ACSS3: variants seen among roughly 807,000 people sequenced by gnomAD.
ACSS3 encodes acyl-CoA synthetase short chain family member 3.
A neutral mutation model predicts 84.2 loss-of-function variants in ACSS3; 64 were observed. That is an observed-to-expected ratio of 0.76 (90% CI 0.62 to 0.94). The LOEUF is 0.94. ACSS3 is among the 40% of genes least tolerant of loss of function. ACSS3 has a pLI of 0.00. For missense variants in ACSS3, 815 were observed against 867.6 expected, an observed-to-expected ratio of 0.94 and a Z score of 0.76; for synonymous variants, 317 against 310.1, an observed-to-expected ratio of 1.02 and a Z score of -0.23.
chr12:81,097,119 C>T (rs1331587399), intron 1 of ACSS3, among the ~76,000 whole-genome samples: 1 of 152,140 alleles, frequency 6.6e-6, no homozygotes, highest in African/African-American at 2.4e-5. Context: ...TAGTTAGACA[C>T]ATGTGGCTAG....
rs537937379 is a variant in ACSS3 at position 81,257,766 on chromosome 12, C to T, written c.*2844C>T. 1.3e-5 allele frequency: 2 copies of T among 151,904 alleles called. No homozygotes were observed. Among genetic ancestry groups the T allele is most frequent in the Non-Finnish European group, 2.9e-5 (2 of 67,968 alleles). 9.4% of individuals were successfully genotyped at this position (151,904 alleles called of 1,614,324 possible). On this transcript the variant is annotated 3_prime_UTR_variant, in exon 16 of 16. Transcript: ENST00000548058. ...AAAAGTAACGTGTTGAGACTCTGAG[C>T]TTAATCCATTAAATGGATTTTAGAA...
chr12:81,139,637 T>TAC (rs57904646), intron 4 of ACSS3, among the ~76,000 whole-genome samples: 1 of 145,892 alleles, frequency 6.9e-6, no homozygotes, highest in South Asian at 2.1e-4. Flanking sequence ...ATAATAATAA[T>TAC]TATTGTTATT....
At chr12:81,171,041 A>G (rs1161487483) in intron 7 of ACSS3, among the ~76,000 whole-genome samples, 1 of 152,154 alleles carries the variant, frequency 6.6e-6, no homozygotes, top group African/African-American at 2.4e-5. Context: ...TTATTACTGC[A>G]TTCTTTCTGT....
chr12:81,255,387 A>T lies in ACSS3; in HGVS notation c.*465A>T, dbSNP rs2034266695. On this transcript the variant is annotated 3_prime_UTR_variant, in exon 16 of 16. Transcript: ENST00000548058. ...TTAGATGCTCACATTGTTTTAAATA[A>T]AATAGATGAAATGGGAAGTTTAGGT... The T allele has an allele frequency of 6.6e-6, 1 of 152,506 alleles. No homozygotes were observed. Among genetic ancestry groups the T allele is most frequent in the Non-Finnish European group, 1.5e-5 (1 of 68,280 alleles). The allele number at this position is 152,506 out of a possible 1,614,324, so 9.4% of individuals were successfully genotyped here.
chr12:81,242,524 C>T (rs1241711910), intron 13 of ACSS3, among the ~76,000 whole-genome samples: 7 of 150,758 alleles, frequency 4.6e-5, no homozygotes, highest in Non-Finnish European at 1.0e-4. Context: ...CAGCATCATC[C>T]TGATACCAAA....
intron 11 of ACSS3, among the ~76,000 whole-genome samples, chr12:81,228,046 G>A (rs1161087745): frequency 6.6e-6 from 1 of 151,664 alleles, no homozygotes; most frequent in Non-Finnish European, 1.5e-5. Flanking sequence ...GTGAAGAGCT[G>A]AGATTTTCTA....
Position 81,145,138 on chromosome 12 carries a change from A to G in ACSS3, c.921+1891A>G, listed in dbSNP as rs572091664. Reference sequence around the variant, plus strand: ...TCACTGTGTTAGCCAGGATGGTCCTAATCTCCTGACCTCGTGATCCACCCG... The same window carrying G: ...TCACTGTGTTAGCCAGGATGGTCCTGATCTCCTGACCTCGTGATCCACCCG... On this transcript the variant is annotated intron_variant, in intron 5 of 15. Transcript: ENST00000548058. 2.0e-3 allele frequency among the ~76,000 whole-genome samples: 276 copies of G among 136,970 alleles called. 1 individual carries two copies. Among genetic ancestry groups the G allele is most frequent in the Non-Finnish European group, 3.6e-3 (237 of 65,640 alleles). The allele number at this position is 136,970 out of a possible 152,430, so 89.9% of individuals were successfully genotyped here.
chr12:81,189,074 C>G (rs977094320), intron 8 of ACSS3, among the ~76,000 whole-genome samples: 52 of 152,074 alleles, frequency 3.4e-4, no homozygotes, highest in Admixed American at 3.4e-3. Context: ...ACTACCCTCT[C>G]CCCCTCCAAC....
intron 2 of ACSS3, among the ~76,000 whole-genome samples, chr12:81,128,525 A>C (rs1885266023): frequency 6.6e-6 from 1 of 152,182 alleles, no homozygotes; most frequent in Non-Finnish European, 1.5e-5. Flanking sequence ...TGTCAGACTG[A>C]AAATCAATTT....
chr12:81,141,880 A>G (rs1204954829), intron 4 of ACSS3, among the ~76,000 whole-genome samples: 2 of 152,214 alleles, frequency 1.3e-5, no homozygotes, highest in Admixed American at 6.5e-5. Context: ...GGCTGGAGAA[A>G]GCAGTTTGGC....
At chr12:81,243,716 A>G (rs2033889083) in intron 13 of ACSS3, among the ~76,000 whole-genome samples, 1 of 152,098 alleles carries the variant, frequency 6.6e-6, no homozygotes, top group Admixed American at 6.5e-5. Flanking sequence ...CATATCTACA[A>G]CTATCTGATC....
intron 8 of ACSS3, among the ~76,000 whole-genome samples, chr12:81,179,970 CAT>C (rs1448178463): frequency 3.3e-5 from 5 of 152,228 alleles, no homozygotes; most frequent in South Asian, 2.1e-4. Context: ...TTGGCAAAGA[CAT>C]GTGATCAAGC....
intron 2 of ACSS3, among the ~76,000 whole-genome samples, chr12:81,129,650 A>T (rs1425059158): frequency 6.6e-6 from 1 of 152,112 alleles, no homozygotes; most frequent in African/African-American, 2.4e-5. Context: ...TTATACTTTA[A>T]GTTCTAGGGT....
intron 14 of ACSS3, 23 bp downstream of exon 14, chr12:81,253,429 A>G: frequency 6.2e-7 from 1 of 1,613,504 alleles, no homozygotes; most frequent in Non-Finnish European, 8.5e-7. Flanking sequence ...TTTCTCCCTG[A>G]TTGCTTGGGA....
At chr12:81,253,799 TTTTTAA>T in intron 15 of ACSS3, 129 bp downstream of exon 15, 1 of 909,488 alleles carries the variant, frequency 1.1e-6, no homozygotes, top group Admixed American at 2.8e-5. Context: ...ATAGTACTAT[TTTTTAA>T]TGTTAAGGGA....
At chr12:81,154,097 G>A (rs936193787) in intron 7 of ACSS3, among the ~76,000 whole-genome samples, 11 of 152,028 alleles carry the variant, frequency 7.2e-5, no homozygotes, top group Non-Finnish European at 1.6e-4. Flanking sequence ...AAAACATTTT[G>A]TACCATTGTC....
At chr12:81,151,510 A>G (rs1886607265) in intron 5 of ACSS3, 1 of 184,110 alleles carries the variant, frequency 5.4e-6, no homozygotes, top group South Asian at 1.3e-4. Flanking sequence ...TGTTCTGGAA[A>G]TATGTCTGAA....
intron 1 of ACSS3, among the ~76,000 whole-genome samples, chr12:81,085,840 C>T (rs572537566): frequency 4.6e-5 from 7 of 152,156 alleles, no homozygotes; most frequent in Admixed American, 2.0e-4. Flanking sequence ...GTTATAGTAT[C>T]GTTCTCTAGA....
intron 7 of ACSS3, among the ~76,000 whole-genome samples, chr12:81,155,745 T>C (rs1419227456): frequency 1.3e-5 from 2 of 152,244 alleles, no homozygotes; most frequent in Admixed American, 6.5e-5. Flanking sequence ...TGTTGACTTA[T>C]GTCCATTCTA....
Sources: allele counts gnomAD v4.1 joint callset (sites outside exome capture counted in the v4.1 genomes callset), GRCh38; gene constraint gnomAD v4.1.1; transcripts MANE v1.5; gene names NCBI Gene and HGNC (gene_info 2026-07-23, HGNC 2026-07-21).